Variants in ITGB5 observed in about 807,000 individuals in gnomAD.
ITGB5 encodes the protein integrin beta-5.
A neutral mutation model predicts 84.8 loss-of-function variants in ITGB5; 38 were observed. The observed-to-expected ratio is 0.45, with a 90% CI of 0.35 to 0.59. ITGB5 has a LOEUF of 0.59. Among genes scored for constraint, ITGB5 ranks in the 20% least tolerant of loss-of-function variants. ITGB5 has a pLI of 0.01. For synonymous variants in ITGB5, 393 were observed against 414.4 expected, an observed-to-expected ratio of 0.95 and a Z score of 0.63; for missense variants, 905 against 1,034.5, an observed-to-expected ratio of 0.87 and a Z score of 1.72.
chr3:124,871,484 G>A (rs1240991366), intron 2 of ITGB5, among the ~76,000 whole-genome samples: 1 of 152,072 alleles, frequency 6.6e-6, no homozygotes, highest in East Asian at 1.9e-4. Context: ...GTGAGCCACC[G>A]CGCCTGGCCG....
At position 124,893,135 on chromosome 3, in the gene ITGB5, T is replaced by C. The variant is rs114784509; in HGVS notation, c.-255+8131A>G. 2.6e-3 allele frequency among the ~76,000 whole-genome samples: 401 copies of C among 152,256 alleles called. 2 individuals are homozygous for C. The highest frequency in any genetic ancestry group is 8.9e-3 in the African/African-American group (371 of 41,552). On this transcript the variant is annotated intron_variant, in intron 1 of 4. Coordinates refer to the ITGB5 transcript ENST00000608657. ...GATTAACTTTTTAGGCTGGGTGCAG[T>C]GGTGTCTCATGCCTGTAATCCCAGC...
intron 1 of ITGB5, among the ~76,000 whole-genome samples, chr3:124,897,159 A>T (rs1042980284): frequency 6.6e-6 from 1 of 152,290 alleles, no homozygotes; most frequent in South Asian, 2.1e-4. Flanking sequence ...TTGTCTTTTG[A>T]TACCCCGCTC....
intron 2 of ITGB5, among the ~76,000 whole-genome samples, chr3:124,864,032 G>GA (rs747144265): frequency 0.14 from 13,342 of 96,386 alleles, 786 homozygotes; most frequent in South Asian, 0.2. Flanking sequence ...AAGAAAGAAA[G>GA]AAAGAAAAGA....
upstream of ITGB5, among the ~76,000 whole-genome samples, chr3:124,888,923 T>A (rs536321992): frequency 1.2e-4 from 19 of 152,164 alleles, no homozygotes; most frequent in Non-Finnish European, 1.8e-4. Flanking sequence ...GTAAACTTCT[T>A]GAAGTACAAT....
upstream of ITGB5, among the ~76,000 whole-genome samples, chr3:124,892,246 G>A (rs541396156): frequency 2.0e-5 from 3 of 151,898 alleles, no homozygotes; most frequent in South Asian, 2.1e-4. Flanking sequence ...TGCCTGCCTC[G>A]GCTTCCCAAA....
At chr3:124,776,043 C>T (rs1235652639) in intron 10 of ITGB5, among the ~76,000 whole-genome samples, 1 of 152,216 alleles carries the variant, frequency 6.6e-6, no homozygotes, top group Non-Finnish European at 1.5e-5. Flanking sequence ...GATGGCAAGC[C>T]CTCCAGGAGA....
intron 14 of ITGB5, among the ~76,000 whole-genome samples, chr3:124,764,146 C>CA (rs1229057443): frequency 6.6e-6 from 1 of 152,170 alleles, no homozygotes; most frequent in African/African-American, 2.4e-5. Context: ...CTTCCTGAGG[C>CA]ACGCCCAGCG....
chr3:124,868,691 C>T (rs769331973), intron 2 of ITGB5, among the ~76,000 whole-genome samples: 4 of 149,340 alleles, frequency 2.7e-5, no homozygotes. Context: ...GTCCCAGCTA[C>T]TCGGGAGGCT....
chr3:124,898,801 C>A (rs1935164105), intron 1 of ITGB5, among the ~76,000 whole-genome samples: 1 of 138,662 alleles, frequency 7.2e-6, no homozygotes. Flanking sequence ...AAAGGCCGGG[C>A]GCACTGGCTC....
At chr3:124,775,979 C>T (rs923477852) in intron 10 of ITGB5, among the ~76,000 whole-genome samples, 1 of 152,254 alleles carries the variant, frequency 6.6e-6, no homozygotes, top group Non-Finnish European at 1.5e-5. Flanking sequence ...CTCAGAGCCA[C>T]AGCAAATGTG....
At chr3:124,817,794 C>T in intron 7 of ITGB5, 84 bp from the exon 8 acceptor site, 1 of 738,894 alleles carries the variant, frequency 1.4e-6, no homozygotes, top group Non-Finnish European at 2.3e-6. Flanking sequence ...TGGGCTAGAA[C>T]AGTAAAGGCT....
intron 1 of ITGB5, among the ~76,000 whole-genome samples, chr3:124,884,364 A>G (rs753123203): frequency 3.3e-5 from 5 of 152,200 alleles, no homozygotes; most frequent in Non-Finnish European, 7.3e-5. Context: ...GGCCAGTGCC[A>G]TGGCTTGCTC....
intron 10 of ITGB5, chr3:124,787,737 T>C (rs2064101116): frequency 6.6e-6 from 1 of 152,152 alleles, no homozygotes; most frequent in African/African-American, 2.4e-5. Flanking sequence ...AAAGCTCTGG[T>C]TTCTCCAACC....
chr3:124,859,196 G>T, intron 3 of ITGB5, 46 bp downstream of exon 3: 2 of 1,571,020 alleles, frequency 1.3e-6, no homozygotes, highest in Non-Finnish European at 1.7e-6. Flanking sequence ...TCCCCCATGG[G>T]CCTTCCTGAT....
chr3:124,859,527 A>G, intron 2 of ITGB5, 81 bp from the exon 3 acceptor site: 2 of 1,079,802 alleles, frequency 1.9e-6, no homozygotes, highest in Non-Finnish European at 2.7e-6. Flanking sequence ...CTGCGTCTCC[A>G]TCTGGTTGAC....
At chr3:124,880,755 CTA>C (rs1934529386) in intron 1 of ITGB5, among the ~76,000 whole-genome samples, 1 of 151,926 alleles carries the variant, frequency 6.6e-6, no homozygotes, top group African/African-American at 2.4e-5. Flanking sequence ...TCGTGAAACC[CTA>C]TCTTTACTAA....
At chr3:124,767,946 G>A (rs186752220) in intron 12 of ITGB5, among the ~76,000 whole-genome samples, 87 of 152,288 alleles carry the variant, frequency 5.7e-4, no homozygotes, top group Non-Finnish European at 1.0e-3. Flanking sequence ...GCACATGCCT[G>A]TGGTCCCAGC....
chr3:124,768,160 C>T (rs559157953), intron 12 of ITGB5, among the ~76,000 whole-genome samples: 16 of 152,306 alleles, frequency 1.1e-4, no homozygotes, highest in African/African-American at 3.8e-4. Flanking sequence ...AGGACCAAGA[C>T]AGACAGGCAG....
At chr3:124,873,388 C>T in intron 2 of ITGB5, 58 bp downstream of exon 2, 1 of 1,206,060 alleles carries the variant, frequency 8.3e-7, no homozygotes, top group Non-Finnish European at 1.2e-6. Context: ...TGGCCTCCTT[C>T]TCACCCTCAC....
Sources: allele counts gnomAD v4.1 joint callset (sites outside exome capture counted in the v4.1 genomes callset), GRCh38; gene constraint gnomAD v4.1.1; transcripts MANE v1.5; gene names NCBI Gene and HGNC (gene_info 2026-07-23, HGNC 2026-07-21).